GLB1: variants seen among roughly 807,000 people sequenced by gnomAD.
The protein encoded by GLB1 is beta-galactosidase.
GLB1 carries 56 observed loss-of-function variants against 74.0 expected under a neutral mutation model. That is an observed-to-expected ratio of 0.76 (90% CI 0.61 to 0.94). The LOEUF (loss-of-function observed/expected upper bound fraction) is 0.94, where lower values mean the gene tolerates loss of function less well. Among genes scored for constraint, GLB1 ranks in the 40% least tolerant of loss-of-function variants. GLB1 has a pLI of 0.00. For synonymous variants in GLB1, 323 were observed against 323.6 expected (o/e 1.00, Z 0.02); for missense variants, 787 against 845.5 (o/e 0.93, Z 0.86).
intron 1 of GLB1, among the ~76,000 whole-genome samples, chr3:33,084,405 C>T (rs144785608): frequency 3.9e-5 from 6 of 152,298 alleles, no homozygotes; most frequent in Middle Eastern, 3.4e-3. Flanking sequence ...AGCACCATTC[C>T]ATCAGATAGG....
chr3:33,048,817 AC>A (rs570749934), intron 9 of GLB1, among the ~76,000 whole-genome samples: 127 of 152,238 alleles, frequency 8.3e-4, no homozygotes, highest in African/African-American at 2.9e-3. Flanking sequence ...TCCAAGCTTC[AC>A]CCCTTGCCAG....
chr3:33,074,406 AAG>A (rs1189506795), intron 1 of GLB1, among the ~76,000 whole-genome samples: 4 of 122,732 alleles, frequency 3.3e-5, no homozygotes, highest in African/African-American at 5.6e-5. Flanking sequence ...GAAAGAAAGA[AAG>A]AATATTACAC....
chr3:33,057,849 A>C (rs1699280870), intron 6 of GLB1, among the ~76,000 whole-genome samples: 1 of 151,980 alleles, frequency 6.6e-6, no homozygotes, highest in Non-Finnish European at 1.5e-5. Flanking sequence ...AGATAGCAGT[A>C]CTCCATTTTC....
rs753533511 is a variant in GLB1 at position 33,093,582 on chromosome 3, T to C, written c.75+3429A>G. The C allele has an allele frequency of 1.7e-5, 28 of 1,614,054 alleles. No homozygotes were observed. The highest frequency in any genetic ancestry group is 2.4e-5 in the Non-Finnish European group (28 of 1,180,030). ...TGAGAGGAGCACGATCTTGAGGTTG[T>C]TCATTGAGGCAGGCAGCTGATGGAT... On this transcript the variant is annotated intron_variant, in intron 1 of 15. Coordinates refer to ENST00000307363, the MANE Select transcript of GLB1 (RefSeq NM_000404.4). This position sits in a 1 kb window ranked among gnomAD's most constrained non-coding sequence, Gnocchi z 6.0.
chr3:32,995,206 C>A (rs756772608), downstream of GLB1, among the ~76,000 whole-genome samples: 5 of 152,074 alleles, frequency 3.3e-5, no homozygotes, highest in Admixed American at 6.6e-5. Context: ...ATGAGGCAAC[C>A]ACACTCCACT....
chr3:33,074,402 AAG>A (rs1358881986), intron 1 of GLB1, among the ~76,000 whole-genome samples: 2 of 144,034 alleles, frequency 1.4e-5, no homozygotes, highest in African/African-American at 5.0e-5. Flanking sequence ...GAAAGAAAGA[AAG>A]AAAGAATATT....
the GLB1 span, among the ~76,000 whole-genome samples, chr3:32,989,766 C>T: frequency 6.6e-6 from 1 of 152,252 alleles, no homozygotes; most frequent in South Asian, 2.1e-4. Flanking sequence ...GATTTGGAGG[C>T]AAGAGACTTG....
At chr3:33,072,298 C>T (rs1231912172) in intron 2 of GLB1, among the ~76,000 whole-genome samples, 1 of 152,084 alleles carries the variant, frequency 6.6e-6, no homozygotes, top group Non-Finnish European at 1.5e-5. Context: ...TGTTTGCTTC[C>T]CCCATCCTTT....
chr3:33,028,001 A>G (rs1487671276), intron 10 of GLB1, among the ~76,000 whole-genome samples: 1 of 152,120 alleles, frequency 6.6e-6, no homozygotes, highest in African/African-American at 2.4e-5. Context: ...CCTGAGTTCC[A>G]GTGATCCTCC....
chr3:32,973,887 T>C, the GLB1 span, among the ~76,000 whole-genome samples: 2 of 152,176 alleles, frequency 1.3e-5, no homozygotes. Flanking sequence ...GCTGAGATTG[T>C]AAGTCCTCTG....
chr3:32,984,991 G>A, the GLB1 span, among the ~76,000 whole-genome samples: 25 of 150,906 alleles, frequency 1.7e-4, no homozygotes, highest in African/African-American at 5.9e-4. Flanking sequence ...TGTGGTCCCA[G>A]CTATTTGGGA....
the GLB1 span, among the ~76,000 whole-genome samples, chr3:32,986,184 A>G: frequency 1.3e-5 from 2 of 152,200 alleles, no homozygotes; most frequent in Admixed American, 1.3e-4. Flanking sequence ...GCTCCTGCTC[A>G]TCGTTCAGGT....
chr3:33,051,610 AAAAAAAAAAGAAAAAG>A, intron 9 of GLB1, 132 bp downstream of exon 9: 1 of 1,193,680 alleles, frequency 8.4e-7, no homozygotes, highest in Non-Finnish European at 1.2e-6. Flanking sequence ...CTACAAAAAA[AAAAAAAAAAGAAAAAG>A]AAAAAAAAAG....
chr3:32,998,586 T>C (rs1195050085), intron 15 of GLB1, among the ~76,000 whole-genome samples: 1 of 151,130 alleles, frequency 6.6e-6, no homozygotes, highest in African/African-American at 2.4e-5. Flanking sequence ...TGGACCATTC[T>C]ATTACAAAGA....
At chr3:33,021,755 C>CA (rs1697494738) in intron 11 of GLB1, 100 bp from the exon 12 acceptor site, 1 of 1,348,870 alleles carries the variant, frequency 7.4e-7, no homozygotes, top group Non-Finnish European at 1.0e-6. Context: ...TGGGTTTGAC[C>CA]AAACCCCTAA....
chr3:33,035,569 G>T (rs979834811), intron 10 of GLB1, among the ~76,000 whole-genome samples: 1 of 152,132 alleles, frequency 6.6e-6, no homozygotes, highest in Admixed American at 6.5e-5. Flanking sequence ...TTTGAGATGG[G>T]GTTAGTGCCT....
intron 15 of GLB1, among the ~76,000 whole-genome samples, chr3:33,007,889 C>T (rs1696850567): frequency 6.6e-6 from 1 of 152,208 alleles, no homozygotes; most frequent in Non-Finnish European, 1.5e-5. Flanking sequence ...TCACATGGGC[C>T]TTCAAGACAC....
intron 10 of GLB1, among the ~76,000 whole-genome samples, chr3:33,025,290 G>C (rs376338299): frequency 2.6e-4 from 40 of 152,214 alleles, no homozygotes; most frequent in African/African-American, 9.4e-4. Flanking sequence ...TAACTTTTTT[G>C]AAAGTCTGAA....
chr3:33,092,903 G>A, intron 1 of GLB1: 1 of 1,614,208 alleles, frequency 6.2e-7, no homozygotes, highest in Non-Finnish European at 8.5e-7. Flanking sequence ...GTATCCCGTA[G>A]TAGGCTGTGC....
Sources: allele counts gnomAD v4.1 joint callset (sites outside exome capture counted in the v4.1 genomes callset), GRCh38; gene constraint gnomAD v4.1.1; non-coding constraint Gnocchi (gnomAD v3.1); transcripts MANE v1.5; gene names NCBI Gene and HGNC (gene_info 2026-07-23, HGNC 2026-07-21).